The following HDX variants were observed in gnomAD, a reference collection of about 807,000 sequenced individuals.
HDX encodes chromosome X open reading frame 43.
A neutral mutation model predicts 45.2 loss-of-function variants in HDX; 19 were observed. The ratio of observed to expected loss-of-function variants is 0.42; its 90% CI spans 0.29 to 0.62. The LOEUF (loss-of-function observed/expected upper bound fraction) is 0.62, where lower values mean the gene tolerates loss of function less well. HDX is among the 20% of genes least tolerant of loss of function. HDX has a pLI of 0.20. For synonymous variants in HDX, 188 were observed against 172.8 expected, an observed-to-expected ratio of 1.09 and a Z score of -0.69; for missense variants, 532 against 493.9, an observed-to-expected ratio of 1.08 and a Z score of -0.73.
chrX:84,413,626 C>T (rs1197803642), intron 5 of HDX, among the ~76,000 whole-genome samples: 1 of 111,731 alleles, frequency 9.0e-6, no homozygotes, highest in African/African-American at 3.2e-5. Flanking sequence ...CTCTTGTTAA[C>T]TATTTTTTTT....
At chrX:84,450,327 T>C (rs1227058728) in intron 4 of HDX, among the ~76,000 whole-genome samples, 12 of 111,119 alleles carry the variant, frequency 1.1e-4, no homozygotes, top group African/African-American at 3.9e-4. Context: ...AAGGCACATA[T>C]AGACTGACAG....
At chrX:84,344,575 C>T (rs66940146) in intron 6 of HDX, 118 bp from the exon 7 acceptor site, 78,676 of 439,852 alleles carry the variant, frequency 0.18, 5,474 homozygotes, top group African/African-American at 0.35. Context: ...AATGGGTACA[C>T]AGAAAGGTAA....
intron 5 of HDX, among the ~76,000 whole-genome samples, chrX:84,374,337 A>G (rs2037983029): frequency 9.2e-6 from 1 of 109,277 alleles, no homozygotes; most frequent in South Asian, 3.9e-4. Context: ...ATACTGCCCA[A>G]GGTAATTTAT....
chrX:84,437,613 G>A (rs2039667739), intron 5 of HDX, among the ~76,000 whole-genome samples: 1 of 110,762 alleles, frequency 9.0e-6, no homozygotes, highest in Non-Finnish European at 1.9e-5. Flanking sequence ...TGCCACCTAA[G>A]AGGACAGAAG....
At chrX:84,407,325 T>A (rs1404408645) in intron 5 of HDX, among the ~76,000 whole-genome samples, 2 of 111,440 alleles carry the variant, frequency 1.8e-5, no homozygotes, top group Non-Finnish European at 3.8e-5. Flanking sequence ...GTTTTTCTGT[T>A]GTGTGTGAGT....
intron 4 of HDX, among the ~76,000 whole-genome samples, chrX:84,468,069 G>A (rs951498415): frequency 1.4e-4 from 15 of 111,096 alleles, no homozygotes; most frequent in Non-Finnish European, 2.5e-4. Flanking sequence ...TTATGTACCA[G>A]GGAAGCCACC....
chrX:84,380,766 T>C (rs2038169354), intron 5 of HDX, among the ~76,000 whole-genome samples: 1 of 110,936 alleles, frequency 9.0e-6, no homozygotes, highest in Non-Finnish European at 1.9e-5. Context: ...CTCAGTATCA[T>C]ATTGAACGGG....
intron 5 of HDX, among the ~76,000 whole-genome samples, chrX:84,429,909 T>C (rs1052430251): frequency 2.3e-4 from 25 of 110,813 alleles, no homozygotes; most frequent in Non-Finnish European, 4.0e-4. Context: ...AGACAAATAA[T>C]AATTGCACAT....
chrX:84,355,217 A>C lies in HDX; in HGVS notation c.1452+6249T>G, dbSNP rs535979677. Among the ~76,000 whole-genome samples the C allele has an allele frequency of 3.6e-5, 4 of 110,280 alleles. No individual in the cohort carries two copies. The South Asian group carries it at 1.5e-3, about 43-fold the overall frequency. On this transcript the variant is annotated intron_variant, in intron 6 of 10. Transcript: ENST00000373177. The stretch of plus-strand genomic sequence containing the variant: ...ACTTTATTTAAGTCCCGCAAAATGT[A>C]TCTCAATCATAAAATATGTTGATTC...
chrX:84,435,127 T>C (rs2039593048), intron 5 of HDX, among the ~76,000 whole-genome samples: 1 of 111,423 alleles, frequency 9.0e-6, no homozygotes, highest in African/African-American at 3.3e-5. Flanking sequence ...GTTTCATTGA[T>C]ATTTTATATA....
At chrX:84,431,400 G>A (rs996700072) in intron 5 of HDX, among the ~76,000 whole-genome samples, 15 of 110,804 alleles carry the variant, frequency 1.4e-4, no homozygotes, top group Non-Finnish European at 2.5e-4. Context: ...TGGTAATTCT[G>A]TTTTAAGTTC....
In HDX at chrX:84,319,795, TA is replaced by T. The variant is rs1188873012; in HGVS notation, c.*2093del. The stretch of plus-strand genomic sequence containing the variant: ...ATAGAAGATGTTAAAAAGAAATAAT[TA>T]TTTGTGATGTTTACAGCTTGCTGAG... On this transcript the variant is annotated 3_prime_UTR_variant, in exon 11 of 11. Coordinates refer to ENST00000373177, the MANE Select transcript of HDX (RefSeq NM_001177479.2). The T allele has an allele frequency of 9.0e-6, 1 of 111,262 alleles. No homozygotes were observed. The highest frequency in any genetic ancestry group is 3.2e-5 in the African/African-American group (1 of 30,808). 9.2% of individuals were successfully genotyped at this position (111,262 alleles called of 1,213,427 possible).
chrX:84,358,101 T>A (rs1316273551), intron 6 of HDX, among the ~76,000 whole-genome samples: 4 of 112,314 alleles, frequency 3.6e-5, no homozygotes, highest in Non-Finnish European at 7.5e-5. Context: ...CATGGACTTA[T>A]ACATGGAATT....
chrX:84,434,933 C>A (rs1006934214), intron 5 of HDX, among the ~76,000 whole-genome samples: 1 of 110,479 alleles, frequency 9.1e-6, no homozygotes, highest in African/African-American at 3.3e-5. Flanking sequence ...TCATTTCTTT[C>A]AGGTTTTCTA....
chrX:84,454,527 T>C (rs2040069992), intron 4 of HDX, among the ~76,000 whole-genome samples: 1 of 110,991 alleles, frequency 9.0e-6, no homozygotes, highest in African/African-American at 3.3e-5. Flanking sequence ...CAGGACTTTG[T>C]CTTGTGGCTT....
chrX:84,354,037 C>T (rs2037418023), intron 6 of HDX, among the ~76,000 whole-genome samples: 1 of 111,007 alleles, frequency 9.0e-6, no homozygotes, highest in Admixed American at 9.6e-5. Context: ...ATTAGAAACC[C>T]CTACTTTAAA....
intron 5 of HDX, among the ~76,000 whole-genome samples, chrX:84,408,970 C>A (rs1022009463): frequency 9.0e-6 from 1 of 110,861 alleles, no homozygotes; most frequent in African/African-American, 3.3e-5. Flanking sequence ...CTGACAGAGT[C>A]TATGGGGTTT....
chrX:84,449,254 A>T (rs1432548278), intron 4 of HDX, among the ~76,000 whole-genome samples: 1 of 111,868 alleles, frequency 8.9e-6, no homozygotes, highest in Non-Finnish European at 1.9e-5. Context: ...ATTTAGTTAA[A>T]TAATGACTGA....
chrX:84,499,514 GC>G (rs1348080808), intron 1 of HDX, among the ~76,000 whole-genome samples: 75 of 111,702 alleles, frequency 6.7e-4, no homozygotes, highest in African/African-American at 2.4e-3. Flanking sequence ...AGCTAAAACA[GC>G]TTTGAGGAGT....
Sources: allele counts gnomAD v4.1 joint callset (sites outside exome capture counted in the v4.1 genomes callset), GRCh38; gene constraint gnomAD v4.1.1; transcripts MANE v1.5; gene names NCBI Gene and HGNC (gene_info 2026-07-23, HGNC 2026-07-21).